Variants in DIS3L2 observed in about 807,000 individuals in gnomAD.
DIS3L2 encodes DIS3 like 3'-5' exoribonuclease 2.
Under a neutral mutation model 97.5 loss-of-function variants are expected in DIS3L2, and 34 were observed. The ratio of observed to expected loss-of-function variants is 0.35; its 90% CI spans 0.27 to 0.46. DIS3L2 has a LOEUF of 0.46. Among genes scored for constraint, DIS3L2 ranks in the 20% least tolerant of loss-of-function variants. DIS3L2 has a pLI of 1.00. For synonymous variants in DIS3L2, 435 were observed against 445.2 expected, an observed-to-expected ratio of 0.98 and a Z score of 0.29; for missense variants, 1,038 against 1,146.0, an observed-to-expected ratio of 0.91 and a Z score of 1.36.
At chr2:232,157,563 T>G (rs966722536) in intron 8 of DIS3L2, among the ~76,000 whole-genome samples, 3 of 152,204 alleles carry the variant, frequency 2.0e-5, no homozygotes, top group Non-Finnish European at 4.4e-5. Flanking sequence ...AGGATTGTGG[T>G]GTTTACATAA....
chr2:232,076,460 T>G (rs1332369579), intron 5 of DIS3L2, among the ~76,000 whole-genome samples: 2 of 152,168 alleles, frequency 1.3e-5, no homozygotes, highest in Non-Finnish European at 2.9e-5. Flanking sequence ...AATTTTTGGG[T>G]TTTGCCCATC....
At chr2:232,175,794 G>T (rs534983703) in intron 9 of DIS3L2, among the ~76,000 whole-genome samples, 6 of 151,678 alleles carry the variant, frequency 4.0e-5, no homozygotes, top group Non-Finnish European at 7.4e-5. Context: ...GGCGATGGGT[G>T]GGGGGGTGGT....
At chr2:231,962,816 A>G (rs971087865) in intron 1 of DIS3L2, among the ~76,000 whole-genome samples, 5 of 152,232 alleles carry the variant, frequency 3.3e-5, no homozygotes, top group African/African-American at 9.6e-5. Flanking sequence ...GCTCCCACTT[A>G]TAAGTGAGAA....
chr2:232,014,994 A>G lies in DIS3L2; in HGVS notation c.52+15A>G. 6.2e-7 allele frequency: 1 copy of G among 1,613,772 alleles called. No homozygotes were observed. The highest frequency in any genetic ancestry group is 8.5e-7 in the Non-Finnish European group (1 of 1,179,814). On this transcript the variant is annotated intron_variant, in intron 2 of 20. Coordinates refer to ENST00000325385, the MANE Select transcript of DIS3L2 (RefSeq NM_152383.5). ...GACCCCCAGAGGTAGTAAAAGGAAAATGGAGTCTGCCTGAATAACTGGAGA... is the reference window on the plus strand; with the variant it reads ...GACCCCCAGAGGTAGTAAAAGGAAAGTGGAGTCTGCCTGAATAACTGGAGA...
intron 9 of DIS3L2, among the ~76,000 whole-genome samples, chr2:232,189,224 A>G (rs1487724896): frequency 1.3e-5 from 2 of 152,214 alleles, no homozygotes; most frequent in Non-Finnish European, 2.9e-5. Context: ...ACTCCTGGGC[A>G]TTTATCCCAG....
At chr2:232,316,916 A>G (rs935796236) in intron 14 of DIS3L2, among the ~76,000 whole-genome samples, 3 of 152,114 alleles carry the variant, frequency 2.0e-5, no homozygotes, top group African/African-American at 7.2e-5. Context: ...GTGATTTTTC[A>G]TTGTACCGTT....
chr2:231,993,529 C>T (rs1291275525), intron 1 of DIS3L2, among the ~76,000 whole-genome samples: 1 of 152,064 alleles, frequency 6.6e-6, no homozygotes, highest in African/African-American at 2.4e-5. Flanking sequence ...GGCTTTTTTT[C>T]TTTATCAGTA....
intron 14 of DIS3L2, among the ~76,000 whole-genome samples, chr2:232,311,350 TATGAC>T (rs1429843122): frequency 6.6e-6 from 1 of 152,244 alleles, no homozygotes; most frequent in Non-Finnish European, 1.5e-5. Context: ...ACTTCTGAAT[TATGAC>T]ATGCATAGAG....
chr2:232,114,377 TGA>T (rs951358877), intron 6 of DIS3L2, among the ~76,000 whole-genome samples: 1 of 152,138 alleles, frequency 6.6e-6, no homozygotes. Context: ...GATTAATTAA[TGA>T]GAGTAACTTG....
intron 14 of DIS3L2, among the ~76,000 whole-genome samples, chr2:232,302,346 C>T (rs1421426055): frequency 6.6e-6 from 1 of 151,608 alleles, no homozygotes. Flanking sequence ...TGTAACAAAC[C>T]TGCATGTTGT....
At position 232,317,436 on chromosome 2, in the gene DIS3L2, G is replaced by A. The variant is rs185697922; in HGVS notation, c.1740-12377G>A. 1.1e-4 allele frequency among the ~76,000 whole-genome samples: 17 copies of A among 152,164 alleles called. No homozygotes were observed. In the East Asian group the frequency reaches 2.1e-3, roughly 19 times the overall value. ...GTTCCTAACATTCTTCTATTTTGGC[G>A]GGGTGGGGAGGTAGAAGGTAGGCAG... On this transcript the variant is annotated intron_variant, in intron 14 of 20. Transcript: ENST00000325385.
chr2:232,234,100 G>A (rs975164635), intron 10 of DIS3L2, among the ~76,000 whole-genome samples: 1 of 152,136 alleles, frequency 6.6e-6, no homozygotes, highest in Non-Finnish European at 1.5e-5. Context: ...TTCTGGAGTT[G>A]CAGTGACAGT....
At chr2:232,001,557 C>CTTTTTT (rs57766848) in intron 1 of DIS3L2, among the ~76,000 whole-genome samples, 346 of 61,918 alleles carry the variant, frequency 5.6e-3, no homozygotes, top group Middle Eastern at 0.019. Context: ...TGCCATTTGT[C>CTTTTTT]TTTTTTTTTT....
intron 9 of DIS3L2, among the ~76,000 whole-genome samples, chr2:232,209,938 C>G (rs550312116): frequency 4.1e-4 from 62 of 152,314 alleles, no homozygotes; most frequent in African/African-American, 1.3e-3. Flanking sequence ...GTCCCATCCC[C>G]CTGTATCACA....
At chr2:232,200,940 C>T (rs971002479) in intron 9 of DIS3L2, among the ~76,000 whole-genome samples, 29 of 152,066 alleles carry the variant, frequency 1.9e-4, no homozygotes, top group African/African-American at 5.8e-4. Flanking sequence ...CCGACCACCA[C>T]GCCTGGCTAT....
intron 6 of DIS3L2, among the ~76,000 whole-genome samples, chr2:232,119,010 A>T (rs1422574333): frequency 6.6e-6 from 1 of 152,218 alleles, no homozygotes; most frequent in Non-Finnish European, 1.5e-5. Context: ...AGGTCACACC[A>T]AATGATTTGA....
intron 6 of DIS3L2, among the ~76,000 whole-genome samples, chr2:232,119,973 C>T (rs1448262603): frequency 6.6e-6 from 1 of 152,146 alleles, no homozygotes; most frequent in Non-Finnish European, 1.5e-5. Flanking sequence ...CCTTTGCATT[C>T]CTTTATTCAT....
intron 5 of DIS3L2, among the ~76,000 whole-genome samples, chr2:232,062,786 A>G (rs868100088): frequency 2.6e-5 from 4 of 151,732 alleles, no homozygotes; most frequent in South Asian, 4.2e-4. Context: ...CTGCCTTCCT[A>G]TCAGCCTGCC....
chr2:231,986,428 A>G (rs1233514472), intron 1 of DIS3L2, among the ~76,000 whole-genome samples: 2 of 152,122 alleles, frequency 1.3e-5, no homozygotes, highest in African/African-American at 2.4e-5. Flanking sequence ...ATCTATAACA[A>G]TTTTGTCAAT....
Sources: allele counts gnomAD v4.1 joint callset (sites outside exome capture counted in the v4.1 genomes callset), GRCh38; gene constraint gnomAD v4.1.1; transcripts MANE v1.5; gene names NCBI Gene and HGNC (gene_info 2026-07-23, HGNC 2026-07-21).